Variants in NRXN3 observed in about 807,000 individuals in gnomAD.
The protein encoded by NRXN3 is neurexin III.
Under a neutral mutation model 137.6 loss-of-function variants are expected in NRXN3, and 32 were observed. That is an observed-to-expected ratio of 0.23 (90% CI 0.18 to 0.31). The LOEUF is 0.31. Ranked by LOEUF, NRXN3 falls within the 10% of genes least tolerant of loss-of-function variation. The pLI is 1.00. For missense variants in NRXN3, 1,574 were observed against 2,062.5 expected (o/e 0.76, Z 4.59); for synonymous variants, 798 against 784.5 (o/e 1.02, Z -0.29).
At chr14:79,279,193 G>T in intron 15 of NRXN3, 1 of 239,968 alleles carries the variant, frequency 4.2e-6, no homozygotes, top group Non-Finnish European at 6.7e-6. Flanking sequence ...TGTGCTGGAG[G>T]CTCGCGCGGG....
chr14:79,183,583 T>C (rs2063183561), intron 15 of NRXN3, among the ~76,000 whole-genome samples: 1 of 152,212 alleles, frequency 6.6e-6, no homozygotes, highest in Non-Finnish European at 1.5e-5. Context: ...AAGTCTGGTG[T>C]TCAAAAGGTA....
rs550986131 is a variant in NRXN3, at chr14:79,826,488, A to G, written c.4093+21298A>G. Among the ~76,000 whole-genome samples, 7 of 152,288 alleles carry G rather than the reference A, an allele frequency of 4.6e-5. No homozygotes were observed. The East Asian group carries it at 1.4e-3, about 29-fold the overall frequency. The stretch of plus-strand genomic sequence containing the variant: ...CCATTTGAGAGTATGCATACAAAAC[A>G]TATTTATGTAGATATGTATTTCCCC... On this transcript the variant is annotated intron_variant, in intron 20 of 20. Coordinates refer to ENST00000335750, the MANE Select transcript of NRXN3 (RefSeq NM_001330195.2).
intron 4 of NRXN3, among the ~76,000 whole-genome samples, chr14:78,313,312 G>C (rs900714941): frequency 5.9e-5 from 9 of 152,152 alleles, no homozygotes; most frequent in Non-Finnish European, 1.3e-4. Context: ...AGACAGGTCT[G>C]TTCTCCCTGG....
At chr14:78,689,951 A>G (rs1000746790) in intron 6 of NRXN3, among the ~76,000 whole-genome samples, 1 of 151,146 alleles carries the variant, frequency 6.6e-6, no homozygotes, top group Admixed American at 6.6e-5. Context: ...TCACTTCTCC[A>G]ACTCAGTTCT....
chr14:78,730,545 A>C (rs1342625216), intron 8 of NRXN3, among the ~76,000 whole-genome samples: 1 of 152,096 alleles, frequency 6.6e-6, no homozygotes, highest in African/African-American at 2.4e-5. Context: ...TTTATTCAGA[A>C]TGACTTGACT....
intron 3 of NRXN3, 41 bp downstream of exon 3, chr14:78,278,703 C>T: frequency 1.3e-6 from 2 of 1,517,160 alleles, no homozygotes; most frequent in South Asian, 1.2e-5. Context: ...GGAATTTCCC[C>T]TCTGCTAGAT....
chr14:79,394,564 T>G (rs2094957585), intron 15 of NRXN3, among the ~76,000 whole-genome samples: 1 of 152,184 alleles, frequency 6.6e-6, no homozygotes, highest in African/African-American at 2.4e-5. Context: ...TCAGTGGTTC[T>G]TAACCTGGGA....
At chr14:78,472,018 AG>A (rs1230735162) in intron 4 of NRXN3, among the ~76,000 whole-genome samples, 2 of 152,240 alleles carry the variant, frequency 1.3e-5, no homozygotes, top group Non-Finnish European at 2.9e-5. Context: ...TGGCTGTAAA[AG>A]ATGGAACCTA....
At chr14:79,561,698 A>G (rs770099048) in intron 16 of NRXN3, among the ~76,000 whole-genome samples, 5 of 152,092 alleles carry the variant, frequency 3.3e-5, no homozygotes, top group Admixed American at 6.6e-5. Flanking sequence ...TCATGCTTTC[A>G]TCAAAAGGTA....
intron 4 of NRXN3, among the ~76,000 whole-genome samples, chr14:78,525,680 G>A (rs2096367643): frequency 6.6e-6 from 1 of 152,042 alleles, no homozygotes; most frequent in South Asian, 2.1e-4. Context: ...CCCTGAGATG[G>A]GTGTAACCTT....
chr14:78,534,917 A>G (rs953408777), intron 4 of NRXN3, among the ~76,000 whole-genome samples: 1 of 152,230 alleles, frequency 6.6e-6, no homozygotes, highest in Admixed American at 6.5e-5. Flanking sequence ...TACATTAACA[A>G]TAGTTTCACT....
chr14:79,315,436 C>T (rs1341854918), intron 15 of NRXN3, among the ~76,000 whole-genome samples: 2 of 152,052 alleles, frequency 1.3e-5, no homozygotes, highest in Admixed American at 1.3e-4. Context: ...TGTAGAGAAA[C>T]TATTAAAAAA....
intron 14 of NRXN3, among the ~76,000 whole-genome samples, chr14:78,980,629 T>G (rs964433147): frequency 6.6e-6 from 1 of 152,210 alleles, no homozygotes; most frequent in Non-Finnish European, 1.5e-5. Context: ...CAGACAATTC[T>G]TAATGAGAAG....
intron 19 of NRXN3, among the ~76,000 whole-genome samples, chr14:79,709,038 A>G (rs1164575723): frequency 6.6e-6 from 1 of 152,024 alleles, no homozygotes; most frequent in Non-Finnish European, 1.5e-5. Context: ...TGCTTGCACT[A>G]TGGAGAACAG....
intron 15 of NRXN3, among the ~76,000 whole-genome samples, chr14:79,004,389 G>T (rs564285818): frequency 6.6e-6 from 1 of 152,198 alleles, no homozygotes; most frequent in South Asian, 2.1e-4. Context: ...GGGACTACAG[G>T]CACATGCCAC....
intron 6 of NRXN3, among the ~76,000 whole-genome samples, chr14:78,705,606 G>A (rs78317318): frequency 0.038 from 5,838 of 152,244 alleles, 173 homozygotes; most frequent in Non-Finnish European, 0.055. Context: ...TTGTGTGCCG[G>A]TTTAGAATTG....
intron 4 of NRXN3, chr14:78,403,944 C>G (rs765088875): frequency 1.1e-6 from 1 of 931,656 alleles, no homozygotes; most frequent in Non-Finnish European, 1.3e-6. Flanking sequence ...GGGCTGTTCC[C>G]CATTTGCCTT....
intron 4 of NRXN3, among the ~76,000 whole-genome samples, chr14:78,359,330 T>C (rs2153603534): frequency 6.6e-6 from 1 of 152,164 alleles, no homozygotes; most frequent in Non-Finnish European, 1.5e-5. Flanking sequence ...TCTTAAAGGC[T>C]CTCCAGGTGA....
intron 6 of NRXN3, among the ~76,000 whole-genome samples, chr14:78,700,633 G>T (rs1300692732): frequency 6.6e-6 from 1 of 152,104 alleles, no homozygotes; most frequent in Non-Finnish European, 1.5e-5. Context: ...TCTATGTCAA[G>T]TTCTTATTTG....
Sources: allele counts gnomAD v4.1 joint callset (sites outside exome capture counted in the v4.1 genomes callset), GRCh38; gene constraint gnomAD v4.1.1; transcripts MANE v1.5; gene names NCBI Gene and HGNC (gene_info 2026-07-23, HGNC 2026-07-21).